Variants in TAFA1 observed in about 807,000 individuals in gnomAD.
The protein encoded by TAFA1 is chemokine-like protein TAFA-1.
A neutral mutation model predicts 18.5 loss-of-function variants in TAFA1; 4 were observed. That is an observed-to-expected ratio of 0.22 (90% CI 0.11 to 0.49). The LOEUF is 0.49. Among genes scored for constraint, TAFA1 ranks in the 20% least tolerant of loss-of-function variants. The pLI is 0.98. For missense variants in TAFA1, 147 were observed against 169.0 expected (o/e 0.87, Z 0.72); for synonymous variants, 56 against 55.2 (o/e 1.01, Z -0.06).
intron 2 of TAFA1, among the ~76,000 whole-genome samples, chr3:68,248,136 A>G (rs1210765979): frequency 6.6e-6 from 1 of 152,190 alleles, no homozygotes; most frequent in African/African-American, 2.4e-5. Context: ...TCTGTACATA[A>G]CTGACTTTCA....
At chr3:68,426,579 T>C (rs956165837) in intron 3 of TAFA1, among the ~76,000 whole-genome samples, 9 of 151,712 alleles carry the variant, frequency 5.9e-5, no homozygotes, top group African/African-American at 2.2e-4. Context: ...ATCAATCAAA[T>C]AGGCAGAGAT....
chr3:68,506,916 A>G (rs2665545), intron 3 of TAFA1, among the ~76,000 whole-genome samples: 30,739 of 152,022 alleles, frequency 0.2, 3,220 homozygotes, highest in Middle Eastern at 0.23. Context: ...AGAATATTCT[A>G]CATTATTTTT....
chr3:68,318,383 A>C (rs2068640012), intron 2 of TAFA1, among the ~76,000 whole-genome samples: 1 of 152,218 alleles, frequency 6.6e-6, no homozygotes, highest in Admixed American at 6.5e-5. Flanking sequence ...GGAAGGCCCT[A>C]AATCTAAAGG....
chr3:68,082,286 G>A lies in TAFA1; in HGVS notation c.118+75542G>A, dbSNP rs192630798. On this transcript the variant is annotated intron_variant, in intron 2 of 4. Transcript: ENST00000478136. ...AATCACCATCTTGTGCGTCGCTCAC[G>A]CTGGGAGCTGTAGACCGGAGCTGTT... Among the ~76,000 whole-genome samples the A allele has an allele frequency of 2.9e-3, 443 of 152,314 alleles. 1 individual carries two copies. The highest frequency in any genetic ancestry group is 0.01 in the African/African-American group (429 of 41,558).
intron 3 of TAFA1, among the ~76,000 whole-genome samples, chr3:68,500,096 T>C (rs1298428796): frequency 2.0e-5 from 3 of 152,194 alleles, no homozygotes; most frequent in East Asian, 1.9e-4. Flanking sequence ...CTCTTTGACA[T>C]GGCTCTAAAC....
chr3:68,090,094 C>T (rs529728094), intron 2 of TAFA1, among the ~76,000 whole-genome samples: 3 of 152,164 alleles, frequency 2.0e-5, no homozygotes, highest in Non-Finnish European at 4.4e-5. Context: ...TGAAGAGCAA[C>T]TAATGTTAGC....
chr3:68,347,506 G>T (rs2069182835), intron 2 of TAFA1, among the ~76,000 whole-genome samples: 1 of 152,228 alleles, frequency 6.6e-6, no homozygotes, highest in Middle Eastern at 3.4e-3. Context: ...TTTCATAATG[G>T]ATCAGACAGT....
chr3:68,250,638 C>T (rs979155128), intron 2 of TAFA1, among the ~76,000 whole-genome samples: 3 of 152,002 alleles, frequency 2.0e-5, no homozygotes, highest in African/African-American at 7.3e-5. Context: ...TTTAAAATTC[C>T]CACCTATTAC....
intron 2 of TAFA1, among the ~76,000 whole-genome samples, chr3:68,104,839 C>T (rs1355758586): frequency 6.6e-6 from 1 of 151,954 alleles, no homozygotes; most frequent in Non-Finnish European, 1.5e-5. Flanking sequence ...GTTTGTTGAC[C>T]CCTCCTCTAA....
At chr3:67,998,783 G>A in the TAFA1 span, among the ~76,000 whole-genome samples, 6 of 152,156 alleles carry the variant, frequency 3.9e-5, no homozygotes, top group African/African-American at 1.4e-4. Context: ...ATGGGTTAGT[G>A]GAATTGCTGA....
chr3:68,353,310 C>A (rs9823804), intron 2 of TAFA1, among the ~76,000 whole-genome samples: 2,143 of 152,158 alleles, frequency 0.014, 50 homozygotes, highest in African/African-American at 0.047. Context: ...CTAGAAGTCA[C>A]ATTGTGAAGA....
intron 2 of TAFA1, among the ~76,000 whole-genome samples, chr3:68,090,752 G>A (rs533874303): frequency 6.6e-6 from 1 of 152,288 alleles, no homozygotes; most frequent in Non-Finnish European, 1.5e-5. Flanking sequence ...ACTTGGGTGA[G>A]AGAATCAATT....
intron 2 of TAFA1, among the ~76,000 whole-genome samples, chr3:68,099,941 A>G (rs1316836166): frequency 6.6e-6 from 1 of 152,144 alleles, no homozygotes; most frequent in Non-Finnish European, 1.5e-5. Context: ...AGTGGGAGCT[A>G]AACATTAGGT....
chr3:68,209,619 G>A (rs2066570850), intron 2 of TAFA1, among the ~76,000 whole-genome samples: 2 of 151,936 alleles, frequency 1.3e-5, no homozygotes. Context: ...TGATTTTCTG[G>A]CTTCCAATGT....
At chr3:68,460,193 T>TA (rs2071748440) in intron 3 of TAFA1, among the ~76,000 whole-genome samples, 1 of 152,106 alleles carries the variant, frequency 6.6e-6, no homozygotes, top group South Asian at 2.1e-4. Flanking sequence ...TTAGTGAAGT[T>TA]AAAAAAGGGA....
At chr3:68,368,100 C>A (rs917948928) in intron 2 of TAFA1, among the ~76,000 whole-genome samples, 3 of 152,042 alleles carry the variant, frequency 2.0e-5, no homozygotes, top group Non-Finnish European at 4.4e-5. Flanking sequence ...TGTAATTCTG[C>A]CAGTTAATTG....
chr3:68,328,241 A>G (rs9867863), intron 2 of TAFA1, among the ~76,000 whole-genome samples: 7,670 of 152,250 alleles, frequency 0.05, 237 homozygotes, highest in African/African-American at 0.086. Flanking sequence ...TGCTGCTCTC[A>G]CAAATACATT....
intron 2 of TAFA1, among the ~76,000 whole-genome samples, chr3:68,302,148 A>G (rs1041743740): frequency 2.0e-5 from 3 of 152,236 alleles, no homozygotes; most frequent in Non-Finnish European, 4.4e-5. Context: ...AAATATTTGT[A>G]GTTGGAATTT....
intron 2 of TAFA1, among the ~76,000 whole-genome samples, chr3:68,297,188 G>C (rs533893449): frequency 3.5e-4 from 54 of 152,174 alleles, no homozygotes; most frequent in Non-Finnish European, 7.2e-4. Context: ...GCAAAACACA[G>C]TAGACCCTGT....
Sources: allele counts gnomAD v4.1 joint callset (sites outside exome capture counted in the v4.1 genomes callset), GRCh38; gene constraint gnomAD v4.1.1; transcripts MANE v1.5; gene names NCBI Gene and HGNC (gene_info 2026-07-23, HGNC 2026-07-21).